NAV3: variants seen among roughly 807,000 people sequenced by gnomAD.
NAV3 encodes neuron navigator 3.
NAV3 carries 87 observed loss-of-function variants against 244.7 expected under a neutral mutation model. The observed-to-expected ratio is 0.36, with a 90% confidence interval of 0.30 to 0.42. The LOEUF is 0.42. Among genes scored for constraint, NAV3 ranks in the 20% least tolerant of loss-of-function variants. The pLI is 1.00. For synonymous variants in NAV3, 1,126 were observed against 1,042.2 expected (o/e 1.08, Z -1.55); for missense variants, 2,663 against 2,893.3 (o/e 0.92, Z 1.83).
At chr12:77,715,266 A>T (rs1876307974) in intron 2 of NAV3, among the ~76,000 whole-genome samples, 1 of 152,070 alleles carries the variant, frequency 6.6e-6, no homozygotes, top group East Asian at 1.9e-4. Flanking sequence ...ACCTTTAGTT[A>T]GTTAATATAT....
At chr12:77,813,522 T>TA (rs1327188642) in intron 2 of NAV3, among the ~76,000 whole-genome samples, 1 of 152,202 alleles carries the variant, frequency 6.6e-6, no homozygotes, top group Admixed American at 6.5e-5. Context: ...TGATTTAACT[T>TA]ATCCTGCAGT....
At chr12:77,691,635 A>G (rs2137161313) in intron 2 of NAV3, among the ~76,000 whole-genome samples, 1 of 151,688 alleles carries the variant, frequency 6.6e-6, no homozygotes, top group Admixed American at 6.6e-5. Flanking sequence ...CCTTTTTAAC[A>G]AATGTTTTTT....
intron 2 of NAV3, among the ~76,000 whole-genome samples, chr12:77,721,257 T>G (rs183260430): frequency 6.6e-6 from 1 of 152,266 alleles, no homozygotes; most frequent in East Asian, 1.9e-4. Context: ...AGGTTATTTA[T>G]TATATATAAT....
intron 9 of NAV3, among the ~76,000 whole-genome samples, chr12:78,040,197 T>G (rs1004088722): frequency 6.6e-6 from 1 of 152,194 alleles, no homozygotes; most frequent in Admixed American, 6.5e-5. Flanking sequence ...TGTGGGTCAT[T>G]GAAAACATTT....
intron 1 of NAV3, among the ~76,000 whole-genome samples, chr12:77,854,374 C>T (rs948828364): frequency 6.6e-6 from 1 of 152,132 alleles, no homozygotes; most frequent in South Asian, 2.1e-4. Context: ...CATAAATCCC[C>T]TAAATCGTAC....
At chr12:78,048,696 C>T (rs1022823100) in intron 9 of NAV3, among the ~76,000 whole-genome samples, 1 of 152,194 alleles carries the variant, frequency 6.6e-6, no homozygotes, top group African/African-American at 2.4e-5. Context: ...GCACGGGGGT[C>T]AGGGACCCAC....
intron 1 of NAV3, among the ~76,000 whole-genome samples, chr12:77,886,485 A>G (rs1446129872): frequency 1.3e-5 from 2 of 152,188 alleles, no homozygotes; most frequent in Non-Finnish European, 2.9e-5. Context: ...TATGTTCAAT[A>G]GTTGTAGATT....
intron 12 of NAV3, among the ~76,000 whole-genome samples, chr12:78,061,011 T>C (rs965050807): frequency 1.3e-5 from 2 of 152,150 alleles, no homozygotes; most frequent in African/African-American, 2.4e-5. Flanking sequence ...AAGACCTAGA[T>C]AGGTATCTAA....
At chr12:77,736,845 A>G (rs773309211) in intron 2 of NAV3, among the ~76,000 whole-genome samples, 6 of 152,224 alleles carry the variant, frequency 3.9e-5, no homozygotes, top group African/African-American at 9.6e-5. Context: ...ATGAATTTAG[A>G]TAAGTGAGTG....
chr12:78,203,392 T>G (rs1036640705), intron 38 of NAV3, among the ~76,000 whole-genome samples: 1 of 152,150 alleles, frequency 6.6e-6, no homozygotes, highest in Non-Finnish European at 1.5e-5. Flanking sequence ...ATGTTACATC[T>G]ATAAAGTAAG....
At chr12:78,011,401 T>C (rs1211240316) in intron 8 of NAV3, among the ~76,000 whole-genome samples, 1 of 152,134 alleles carries the variant, frequency 6.6e-6, no homozygotes, top group African/African-American at 2.4e-5. Context: ...TCAAAAATAT[T>C]AAACCATTAC....
upstream of NAV3, among the ~76,000 whole-genome samples, chr12:77,828,430 G>A (rs565105036): frequency 6.6e-6 from 1 of 152,236 alleles, no homozygotes; most frequent in Non-Finnish European, 1.5e-5. Context: ...CAGTGGGTTC[G>A]AGATGAATAC....
Position 77,945,134 on chromosome 12 carries a change from T to A in NAV3, c.414+4001T>A, listed in dbSNP as rs535302737. Among the ~76,000 whole-genome samples, 798 of 133,916 alleles carry A rather than the reference T, an allele frequency of 6.0e-3. 7 individuals carry two copies. The highest frequency in any genetic ancestry group is 0.021 in the African/African-American group (754 of 35,392). The allele number at this position is 133,916 out of a possible 152,430, so 87.9% of individuals were successfully genotyped here. On this transcript the variant is annotated intron_variant, in intron 3 of 39. Transcript: ENST00000397909. ...GACACTGTTAGAGAAAAAAAAAAAATAAATAGCTTGAGAAGAAGACAGAGT... is the reference window on the plus strand; with the variant it reads ...GACACTGTTAGAGAAAAAAAAAAAAAAAATAGCTTGAGAAGAAGACAGAGT...
At chr12:77,705,030 T>C (rs762952750) in intron 2 of NAV3, among the ~76,000 whole-genome samples, 22 of 152,034 alleles carry the variant, frequency 1.4e-4, no homozygotes, top group Admixed American at 2.6e-4. Flanking sequence ...CAGGATGGAG[T>C]AGTCTCATTT....
At chr12:78,193,677 A>C (rs1959078806) in intron 34 of NAV3, among the ~76,000 whole-genome samples, 1 of 152,146 alleles carries the variant, frequency 6.6e-6, no homozygotes, top group Admixed American at 6.6e-5. Context: ...AGTTATTTCA[A>C]GGGAATCTGT....
chr12:77,945,544 A>T (rs1890256197), intron 3 of NAV3, among the ~76,000 whole-genome samples: 1 of 152,178 alleles, frequency 6.6e-6, no homozygotes, highest in Non-Finnish European at 1.5e-5. Context: ...GTACTATATT[A>T]TTCTGCTTTT....
intron 1 of NAV3, among the ~76,000 whole-genome samples, chr12:77,894,452 T>C (rs961971403): frequency 6.6e-6 from 1 of 152,182 alleles, no homozygotes; most frequent in Non-Finnish European, 1.5e-5. Context: ...AATCTGGAAT[T>C]TTATGTAAAA....
intron 1 of NAV3, among the ~76,000 whole-genome samples, chr12:77,904,493 A>G (rs1344067045): frequency 6.6e-6 from 1 of 152,070 alleles, no homozygotes; most frequent in Non-Finnish European, 1.5e-5. Context: ...GGGGCCTGTC[A>G]TGGGGTTGGT....
intron 1 of NAV3, among the ~76,000 whole-genome samples, chr12:77,933,088 T>TA (rs1449204302): frequency 6.6e-6 from 1 of 152,226 alleles, no homozygotes; most frequent in Non-Finnish European, 1.5e-5. Flanking sequence ...AATTTTCTCT[T>TA]AAAAATGGAA....
Sources: gnomAD v4.1 joint callset for allele counts (sites outside exome capture counted in the v4.1 genomes callset) on GRCh38, gnomAD v4.1.1 for gene constraint, MANE v1.5 for transcripts, NCBI Gene and HGNC (gene_info 2026-07-23, HGNC 2026-07-21) for gene names.